Variants in DOCK10 observed in about 807,000 individuals in gnomAD.
DOCK10 encodes dedicator of cytokinesis protein 10.
DOCK10 carries 145 observed loss-of-function variants against 280.1 expected under a neutral mutation model. The ratio of observed to expected loss-of-function variants is 0.52; its 90% CI spans 0.45 to 0.59. The LOEUF (loss-of-function observed/expected upper bound fraction) is 0.59. Among genes scored for constraint, DOCK10 ranks in the 20% least tolerant of loss-of-function variants. DOCK10 has a pLI of 0.00. For missense variants in DOCK10, 2,368 were observed against 2,651.7 expected (o/e 0.89, Z 2.35); for synonymous variants, 915 against 942.2 (o/e 0.97, Z 0.53).
At chr2:224,841,415 T>C (rs746072070) in intron 23 of DOCK10, among the ~76,000 whole-genome samples, 9 of 152,158 alleles carry the variant, frequency 5.9e-5, no homozygotes, top group Non-Finnish European at 1.2e-4. Context: ...AAATAAAGTA[T>C]ATTCTGCTGG....
At chr2:224,871,700 C>T (rs1698300878) in intron 11 of DOCK10, among the ~76,000 whole-genome samples, 2 of 152,084 alleles carry the variant, frequency 1.3e-5, no homozygotes, top group Admixed American at 6.5e-5. Context: ...TTTCTTCTGC[C>T]TAGAATGTTC....
chr2:224,810,998 C>A (rs888181446), intron 31 of DOCK10, among the ~76,000 whole-genome samples: 1 of 151,936 alleles, frequency 6.6e-6, no homozygotes, highest in Non-Finnish European at 1.5e-5. Context: ...GGGTATATAC[C>A]CAGTAATGGG....
At chr2:224,865,258 A>G (rs1559600175) in intron 11 of DOCK10, among the ~76,000 whole-genome samples, 171 bp from the exon 12 acceptor site, 1 of 152,178 alleles carries the variant, frequency 6.6e-6, no homozygotes, top group Non-Finnish European at 1.5e-5. Flanking sequence ...AGATCCCAGT[A>G]CTGTATCTCA....
In DOCK10 at chr2:225,018,559, A is replaced by G. The variant is rs1438480034; in HGVS notation, c.123+23693T>C. On this transcript the variant is annotated intron_variant, in intron 1 of 55. Transcript: ENST00000258390. Reference sequence around the variant, plus strand: ...GTAATATTATATATATATAATATATATGTAATATTATATATATATAATATA... The same window carrying G: ...GTAATATTATATATATATAATATATGTGTAATATTATATATATATAATATA... Among the ~76,000 whole-genome samples the G allele has an allele frequency of 9.5e-5, 3 of 31,472 alleles. 1 individual carries two copies. The highest frequency in any genetic ancestry group is 1.9e-4 in the Non-Finnish European group (3 of 15,524). The allele number at this position is 31,472 out of a possible 152,430, so 20.6% of individuals were successfully genotyped here.
intron 11 of DOCK10, among the ~76,000 whole-genome samples, chr2:224,873,667 T>G (rs773060627): frequency 2.1e-5 from 3 of 143,892 alleles, no homozygotes; most frequent in African/African-American, 5.1e-5. Context: ...CATAGGAAAC[T>G]CTAAACCACT....
intron 31 of DOCK10, among the ~76,000 whole-genome samples, chr2:224,810,011 A>T (rs1193153134): frequency 6.6e-6 from 1 of 151,064 alleles, no homozygotes; most frequent in African/African-American, 2.4e-5. Context: ...AAAAAAAAGA[A>T]ATCCTACCAT....
In DOCK10 at chr2:224,886,511, T is replaced by G; in HGVS notation, c.437A>C (p.Lys146Thr). Residue 146 changes from lysine (K) to threonine (T), a missense_variant, in exon 5 of 56, where the codon AAG (lysine) becomes ACG (threonine). Physicochemically the swap from Lys to Thr is moderately conservative, Grantham distance 78. Coordinates refer to ENST00000258390, the MANE Select transcript of DOCK10 (RefSeq NM_014689.3). ...QLPRAEYKPE[K>T]LPSHSFEIDH... is the part of the protein sequence containing the mutation. ...AATCTCAAAGGAATGTGAAGGAAGC[T>G]TCTCTGGTTTGTATTCTGCTCTGAT... The G allele has an allele frequency of 6.2e-7, 1 of 1,609,202 alleles. No individual in the cohort carries two copies. The highest frequency in any genetic ancestry group is 8.5e-7 in the Non-Finnish European group (1 of 1,179,382).
chr2:224,856,069 G>A (rs60972128), intron 15 of DOCK10, among the ~76,000 whole-genome samples: 2,336 of 152,228 alleles, frequency 0.015, 56 homozygotes, highest in African/African-American at 0.053. Context: ...GCAATGGTAG[G>A]AGAGTTTACA....
chr2:224,861,131 T>A (rs891172940), intron 14 of DOCK10: 2 of 152,208 alleles, frequency 1.3e-5, no homozygotes, highest in African/African-American at 4.8e-5. Flanking sequence ...TCTTAAAGCT[T>A]ATGAGAAATA....
chr2:225,018,319 T>C (rs1381876982), intron 1 of DOCK10, among the ~76,000 whole-genome samples: 3 of 151,636 alleles, frequency 2.0e-5, no homozygotes, highest in Non-Finnish European at 4.4e-5. Context: ...TGGAATGAGC[T>C]GCCATTCCTT....
Position 224,896,355 on chromosome 2 carries a change from T to C in DOCK10, c.356A>G (p.Gln119Arg). The C allele has an allele frequency of 1.3e-6, 2 of 1,598,492 alleles. No homozygotes were observed. Among genetic ancestry groups the C allele is most frequent in the Middle Eastern group, 3.3e-4 (2 of 6,024 alleles). ...VKEACKFYSSQWHVVNYKYEQ... is the reference protein window; with the variant it reads ...VKEACKFYSSRWHVVNYKYEQ... ...ATATTTGTAGTTTACCACATGCCACTGGGAACTATAAAATTTACAAGCCTG... is the reference window on the plus strand; with the variant it reads ...ATATTTGTAGTTTACCACATGCCACCGGGAACTATAAAATTTACAAGCCTG... The change falls in exon 4 of 56, where the codon CAG (glutamine) becomes CGG (arginine). Residue 119 changes from glutamine (Q) to arginine (R), a missense_variant. This residue lies in a region of DOCK10 where 1,209 missense variants were observed against 1,250.9 expected (regional missense o/e 0.97). Coordinates refer to ENST00000258390, the MANE Select transcript of DOCK10 (RefSeq NM_014689.3).
chr2:224,982,557 C>T (rs1559921706), intron 1 of DOCK10: 11 of 1,207,532 alleles, frequency 9.1e-6, no homozygotes, highest in Non-Finnish European at 1.1e-5. Context: ...ATTTGATCCA[C>T]GGAAACTGAA....
At chr2:224,922,611 C>T (rs1162018552) in intron 2 of DOCK10, among the ~76,000 whole-genome samples, 4 of 152,198 alleles carry the variant, frequency 2.6e-5, no homozygotes, top group Non-Finnish European at 2.9e-5. Context: ...AGCCCTGTCA[C>T]TTTCTGGTTT....
intron 1 of DOCK10, among the ~76,000 whole-genome samples, chr2:225,002,256 T>C (rs1706450788): frequency 6.6e-6 from 1 of 152,220 alleles, no homozygotes; most frequent in African/African-American, 2.4e-5. Context: ...TGCTGTCCAT[T>C]GTGAGAAGAG....
In DOCK10 at chr2:224,804,124, A is replaced by G. The variant is rs767355128; in HGVS notation, c.4256T>C (p.Leu1419Pro). The change falls in exon 39 of 56, where the codon CTC becomes CCC. Residue 1419 changes from leucine to proline, a missense_variant. By Grantham distance (98) the Leu-to-Pro change is moderately conservative. Around this residue, in one of 2 missense-constraint regions of DOCK10, gnomAD observed 1,159 missense variants for 1,400.8 expected, o/e 0.83. Transcript: ENST00000258390. The stretch of plus-strand genomic sequence containing the variant: ...AATGTGACATTACCATTGTGACAAG[A>G]GACCTGATGTCTGGCAGGAAGGATT... ...GSNPSCQTSG[L>P]LSQWMHSTSS... The G allele has an allele frequency of 1.2e-6, 2 of 1,607,972 alleles. No homozygotes were observed. Among genetic ancestry groups the G allele is most frequent in the Non-Finnish European group, 1.7e-6 (2 of 1,175,230 alleles).
chr2:224,849,637 C>G, intron 18 of DOCK10, 38 bp from the exon 19 acceptor site: 1 of 1,399,150 alleles, frequency 7.1e-7, no homozygotes, highest in African/African-American at 1.4e-5. Context: ...TTATGAGTGT[C>G]TGAAATTATC....
intron 1 of DOCK10, among the ~76,000 whole-genome samples, chr2:224,943,525 C>A (rs1237135908): frequency 2.6e-5 from 4 of 152,180 alleles, no homozygotes; most frequent in African/African-American, 9.7e-5. Context: ...TCTACATAAT[C>A]ATCACAAAAA....
chr2:224,821,832 C>T (rs1432152117), intron 28 of DOCK10, among the ~76,000 whole-genome samples: 1 of 152,082 alleles, frequency 6.6e-6, no homozygotes, highest in East Asian at 1.9e-4. Context: ...TGGTAGAAAA[C>T]TACAGTAACT....
intron 2 of DOCK10, among the ~76,000 whole-genome samples, chr2:224,918,816 AGTGTAT>A (rs1366086427): frequency 8.3e-5 from 7 of 84,842 alleles, no homozygotes; most frequent in South Asian, 3.6e-4. Flanking sequence ...GTGTGGTGTG[AGTGTAT>A]GTGTGGTGTG....
Sources: allele counts gnomAD v4.1 joint callset (sites outside exome capture counted in the v4.1 genomes callset), GRCh38; gene constraint gnomAD v4.1.1; regional missense constraint gnomAD v4.1.1; transcripts MANE v1.5; gene names NCBI Gene and HGNC (gene_info 2026-07-23, HGNC 2026-07-21).